The following DLEU7 variants were observed in gnomAD, a reference collection of about 807,000 sequenced individuals.
DLEU7 encodes the protein deleted in lymphocytic leukemia 7, also known as leukemia-associated protein 7.
DLEU7 carries 17 observed loss-of-function variants against 16.0 expected under a neutral mutation model. The observed-to-expected ratio is 1.06, with a 90% CI of 0.73 to 1.59. The LOEUF (loss-of-function observed/expected upper bound fraction) is 1.59, where lower values mean the gene tolerates loss of function less well. Ranked by LOEUF, DLEU7 falls within the 40% of genes most tolerant of loss-of-function variation. DLEU7 has a pLI of 0.00. For synonymous variants in DLEU7, 113 were observed against 139.8 expected (o/e 0.81, Z 1.35); for missense variants, 308 against 314.9 (o/e 0.98, Z 0.17).
intron 1 of DLEU7, among the ~76,000 whole-genome samples, chr13:50,761,117 G>A (rs1397069264): frequency 6.6e-6 from 1 of 152,138 alleles, no homozygotes; most frequent in Non-Finnish European, 1.5e-5. Flanking sequence ...AGACTGAATT[G>A]TCCACTGGGG....
intron 1 of DLEU7, among the ~76,000 whole-genome samples, chr13:50,811,092 CAGCTGGA>C (rs1832065865): frequency 6.6e-6 from 1 of 152,134 alleles, no homozygotes. Context: ...GCATGCGTGG[CAGCTGGA>C]AGCACCTACC....
At chr13:50,711,772 C>CCA, downstream of DLEU7, 1 of 72,928 alleles carries the variant, frequency 1.4e-5, no homozygotes, top group African/African-American at 3.9e-5. Context: ...GACCCAGTGG[C>CCA]GGGGGCGGGG....
At chr13:50,713,064 A>G in exon 2 of DLEU7, 2 of 777,420 alleles carry the variant, frequency 2.6e-6, no homozygotes, top group Non-Finnish European at 4.2e-6. Flanking sequence ...AGACCATGCA[A>G]TTGGAGACCA....
intron 1 of DLEU7, among the ~76,000 whole-genome samples, chr13:50,791,712 T>C (rs1308466011): frequency 1.3e-5 from 2 of 152,176 alleles, no homozygotes; most frequent in Admixed American, 1.3e-4. Context: ...TTGGCCTGAA[T>C]GTAAACATCT....
intron 1 of DLEU7, among the ~76,000 whole-genome samples, chr13:50,830,720 C>T (rs1877235572): frequency 1.3e-5 from 2 of 152,078 alleles, no homozygotes; most frequent in African/African-American, 4.8e-5. Context: ...ACATATCTGC[C>T]CTGAGGTAGG....
chr13:50,841,922 C>T (rs889500257), intron 1 of DLEU7, among the ~76,000 whole-genome samples: 1 of 152,020 alleles, frequency 6.6e-6, no homozygotes, highest in African/African-American at 2.4e-5. Flanking sequence ...AGGAGTGCTT[C>T]TCATCTTGCC....
intron 1 of DLEU7, among the ~76,000 whole-genome samples, chr13:50,805,906 C>A (rs1223726331): frequency 6.6e-6 from 1 of 152,198 alleles, no homozygotes; most frequent in African/African-American, 2.4e-5. Flanking sequence ...TTCAGCACTA[C>A]AGTGGCAGAA....
chr13:50,788,968 G>A (rs961117115), intron 1 of DLEU7, among the ~76,000 whole-genome samples: 5 of 152,112 alleles, frequency 3.3e-5, no homozygotes, highest in African/African-American at 9.7e-5. Flanking sequence ...TAGGAAGTCC[G>A]CAGCCGAGTG....
At chr13:50,780,193 C>G (rs1398301716) in intron 1 of DLEU7, among the ~76,000 whole-genome samples, 1 of 152,138 alleles carries the variant, frequency 6.6e-6, no homozygotes, top group Non-Finnish European at 1.5e-5. Context: ...TGCAGCCCCC[C>G]TCATTCCAGG....
chr13:50,794,263 G>A (rs1266348549), intron 1 of DLEU7, among the ~76,000 whole-genome samples: 3 of 151,540 alleles, frequency 2.0e-5, no homozygotes, highest in South Asian at 2.1e-4. Context: ...GGCCCTTGTC[G>A]TAAGAGTTTA....
chr13:50,714,343 CCTT>C (rs1317331652), intron 1 of DLEU7, among the ~76,000 whole-genome samples: 4 of 152,298 alleles, frequency 2.6e-5, no homozygotes, highest in Admixed American at 6.5e-5. Context: ...GATCTCAACT[CCTT>C]CTCCTGTCAC....
intron 1 of DLEU7, among the ~76,000 whole-genome samples, chr13:50,823,821 C>T (rs1246904501): frequency 1.3e-5 from 2 of 152,200 alleles, no homozygotes; most frequent in Non-Finnish European, 1.5e-5. Flanking sequence ...CTGCTATCCT[C>T]TTTAACTGAG....
At chr13:50,747,399 C>T (rs1347806227) in intron 1 of DLEU7, among the ~76,000 whole-genome samples, 5 of 145,782 alleles carry the variant, frequency 3.4e-5, no homozygotes, top group South Asian at 4.4e-4. Context: ...TGGGTGTGTG[C>T]GCGCATTTGT....
chr13:50,787,598 A>G (rs1256152708), intron 1 of DLEU7, among the ~76,000 whole-genome samples: 2 of 152,046 alleles, frequency 1.3e-5, no homozygotes, highest in African/African-American at 4.8e-5. Flanking sequence ...AGGTGTGGAA[A>G]CAGCTTCCTC....
At chr13:50,778,414 A>G (rs887583057) in intron 1 of DLEU7, among the ~76,000 whole-genome samples, 9 of 152,230 alleles carry the variant, frequency 5.9e-5, no homozygotes, top group African/African-American at 1.7e-4. Flanking sequence ...CAGACTCTCA[A>G]TCTCCATCTC....
intron 1 of DLEU7, among the ~76,000 whole-genome samples, chr13:50,720,916 C>G (rs1257906623): frequency 6.6e-6 from 1 of 152,068 alleles, no homozygotes; most frequent in Non-Finnish European, 1.5e-5. Flanking sequence ...TATATTAAAG[C>G]CCAGTGTGAT....
At chr13:50,796,776 G>A (rs2137778155) in intron 1 of DLEU7, among the ~76,000 whole-genome samples, 1 of 152,136 alleles carries the variant, frequency 6.6e-6, no homozygotes, top group East Asian at 1.9e-4. Flanking sequence ...CCCTCTGACT[G>A]AACAGTGAGG....
chr13:50,839,300 G>A (rs748895068), intron 1 of DLEU7, among the ~76,000 whole-genome samples: 8 of 152,184 alleles, frequency 5.3e-5, no homozygotes, highest in Non-Finnish European at 7.3e-5. Flanking sequence ...TTGTTAAGCT[G>A]GTTAAACCTA....
At chr13:50,766,055 C>T (rs1014360876) in intron 1 of DLEU7, among the ~76,000 whole-genome samples, 4 of 152,102 alleles carry the variant, frequency 2.6e-5, no homozygotes, top group South Asian at 2.1e-4. Context: ...GAAAAGGATG[C>T]GTGTAGCTTT....
Sources: gnomAD v4.1 joint callset for allele counts (sites outside exome capture counted in the v4.1 genomes callset) on GRCh38, gnomAD v4.1.1 for gene constraint, MANE v1.5 for transcripts, NCBI Gene and HGNC (gene_info 2026-07-23, HGNC 2026-07-21) for gene names.